CNTNAP4: variants seen among roughly 807,000 people sequenced by gnomAD.
CNTNAP4 encodes the protein contactin-associated protein-like 4.
In CNTNAP4, 98 loss-of-function variants were observed where a neutral mutation model predicts 148.4. The ratio of observed to expected loss-of-function variants is 0.66; its 90% CI spans 0.56 to 0.78. The LOEUF (loss-of-function observed/expected upper bound fraction) is 0.78. Among genes scored for constraint, CNTNAP4 ranks in the 30% least tolerant of loss-of-function variants. The pLI, the probability that CNTNAP4 is intolerant of heterozygous loss-of-function variation, is 0.00. For missense variants in CNTNAP4, 1,935 were observed against 1,565.6 expected, an observed-to-expected ratio of 1.24 and a Z score of -3.98; for synonymous variants, 730 against 565.1, an observed-to-expected ratio of 1.29 and a Z score of -4.14.
At chr16:76,432,410 G>A (rs1407099808) in intron 4 of CNTNAP4, 1 of 152,174 alleles carries the variant, frequency 6.6e-6, no homozygotes, top group Non-Finnish European at 1.5e-5. Context: ...TGTTTCCTGA[G>A]TAATGAGAGA....
chr16:76,386,634 A>G (rs1470659798), intron 3 of CNTNAP4, among the ~76,000 whole-genome samples: 1 of 152,198 alleles, frequency 6.6e-6, no homozygotes, highest in Non-Finnish European at 1.5e-5. Context: ...ACTTAGGCAC[A>G]ATAAGTGAAT....
At chr16:76,488,596 C>CTATTACTAT (rs1214760984) in intron 12 of CNTNAP4, among the ~76,000 whole-genome samples, 3 of 152,082 alleles carry the variant, frequency 2.0e-5, no homozygotes, top group Non-Finnish European at 2.9e-5. Flanking sequence ...GTTTTGCCTA[C>CTATTACTAT]TATTACTATT....
At chr16:76,460,675 C>G (rs1323185198) in intron 8 of CNTNAP4, among the ~76,000 whole-genome samples, 4 of 139,112 alleles carry the variant, frequency 2.9e-5, no homozygotes, top group Admixed American at 7.5e-5. Context: ...GTGGCTTGAA[C>G]CTGGGAGGCA....
At chr16:76,378,549 A>G (rs888036286) in intron 3 of CNTNAP4, among the ~76,000 whole-genome samples, 3 of 152,232 alleles carry the variant, frequency 2.0e-5, no homozygotes, top group Admixed American at 1.3e-4. Context: ...AGGTCATGAC[A>G]TGGAAGTTCT....
intron 15 of CNTNAP4, among the ~76,000 whole-genome samples, chr16:76,504,666 T>G (rs890719699): frequency 6.6e-6 from 1 of 152,024 alleles, no homozygotes. Context: ...TGTCGAGAAA[T>G]TGAAAAGAAA....
chr16:76,393,618 A>ATG (rs1388627666), intron 3 of CNTNAP4, among the ~76,000 whole-genome samples: 1 of 152,002 alleles, frequency 6.6e-6, no homozygotes, highest in Non-Finnish European at 1.5e-5. Flanking sequence ...TGCCTGTGGG[A>ATG]TGAAGCAGGC....
chr16:76,475,868 A>G, intron 10 of CNTNAP4, 71 bp from the exon 11 acceptor site: 1 of 1,014,542 alleles, frequency 9.9e-7, no homozygotes, highest in South Asian at 1.4e-5. Context: ...TCTCATGACC[A>G]AGTATAAATG....
intron 23 of CNTNAP4, among the ~76,000 whole-genome samples, chr16:76,555,871 G>A (rs1408912620): frequency 1.3e-5 from 2 of 152,178 alleles, no homozygotes; most frequent in Non-Finnish European, 2.9e-5. Flanking sequence ...TCATTGCAGA[G>A]ACTAAACTTC....
intron 3 of CNTNAP4, among the ~76,000 whole-genome samples, chr16:76,410,975 A>G (rs1209988660): frequency 6.6e-6 from 1 of 151,554 alleles, no homozygotes; most frequent in Non-Finnish European, 1.5e-5. Context: ...GGTAAATAAG[A>G]CATATAGTGT....
intron 3 of CNTNAP4, among the ~76,000 whole-genome samples, chr16:76,408,655 C>G: frequency 6.6e-6 from 1 of 151,874 alleles, no homozygotes; most frequent in Non-Finnish European, 1.5e-5. Context: ...AAAATAGAAT[C>G]TAAAGAAGTG....
At chr16:76,393,732 C>G (rs2078105614) in intron 3 of CNTNAP4, among the ~76,000 whole-genome samples, 1 of 151,982 alleles carries the variant, frequency 6.6e-6, no homozygotes, top group Non-Finnish European at 1.5e-5. Flanking sequence ...CAGAGGGTAT[C>G]CTGGGCTGTG....
intron 15 of CNTNAP4, among the ~76,000 whole-genome samples, chr16:76,499,953 ACTT>A (rs541255531): frequency 7.9e-5 from 12 of 152,200 alleles, no homozygotes; most frequent in Middle Eastern, 3.4e-3. Context: ...TCCTATGTCT[ACTT>A]CTTTCTACAC....
chr16:76,320,440 G>A (rs537216951), intron 2 of CNTNAP4, among the ~76,000 whole-genome samples: 14 of 152,272 alleles, frequency 9.2e-5, no homozygotes, highest in Admixed American at 2.6e-4. Context: ...CAGAAGATGG[G>A]AAATTTTGCA....
chr16:76,466,802 A>G (rs924591653), intron 9 of CNTNAP4, among the ~76,000 whole-genome samples: 4 of 152,162 alleles, frequency 2.6e-5, no homozygotes, highest in Admixed American at 1.3e-4. Context: ...ACTTACTAAA[A>G]TCCTTGTGTA....
At chr16:76,301,727 A>G (rs145237368) in intron 1 of CNTNAP4, among the ~76,000 whole-genome samples, 2 of 152,244 alleles carry the variant, frequency 1.3e-5, no homozygotes, top group East Asian at 3.9e-4. Context: ...TCTCCAAGTG[A>G]GGAGGTGGGA....
chr16:76,373,106 T>G (rs541784593), intron 3 of CNTNAP4, among the ~76,000 whole-genome samples: 26 of 151,316 alleles, frequency 1.7e-4, no homozygotes, highest in African/African-American at 5.1e-4. Flanking sequence ...CACATAAATA[T>G]GTGAATATAT....
chr16:76,449,716 T>G lies in CNTNAP4; in HGVS notation c.929T>G (p.Ile310Ser). 1 of 1,561,098 alleles carries G rather than the reference T, an allele frequency of 6.4e-7. No homozygotes were observed. Among genetic ancestry groups the G allele is most frequent in the Non-Finnish European group, 8.6e-7 (1 of 1,156,264 alleles). Residue 310 changes from isoleucine to serine, a missense_variant and splice_region_variant, in exon 7 of 24, where the codon ATC (isoleucine) becomes AGC (serine). Transcript: ENST00000611870. Reference protein sequence around the residue: ...EFNLMNLDYEISFGGIPAPGK... With the variant: ...EFNLMNLDYESSFGGIPAPGK... Reference sequence around the variant, plus strand: ...ATTGATGCCATTTTTCTTTCTAAGATCAGCTTTGGAGGGATTCCAGCACCT... The same window carrying G: ...ATTGATGCCATTTTTCTTTCTAAGAGCAGCTTTGGAGGGATTCCAGCACCT...
intron 2 of CNTNAP4, among the ~76,000 whole-genome samples, chr16:76,327,382 TTTG>T (rs942367936): frequency 3.9e-5 from 6 of 152,190 alleles, no homozygotes; most frequent in African/African-American, 9.7e-5. Flanking sequence ...AGGAAATGGT[TTTG>T]TTGTTTTTTT....
At chr16:76,532,002 C>A (rs2084004200) in intron 17 of CNTNAP4, among the ~76,000 whole-genome samples, 1 of 152,166 alleles carries the variant, frequency 6.6e-6, no homozygotes, top group Non-Finnish European at 1.5e-5. Flanking sequence ...TCTTCTGCTA[C>A]TCACCCCACA....
Sources: allele counts gnomAD v4.1 joint callset (sites outside exome capture counted in the v4.1 genomes callset), GRCh38; gene constraint gnomAD v4.1.1; transcripts MANE v1.5; gene names NCBI Gene and HGNC (gene_info 2026-07-23, HGNC 2026-07-21).